Variants in OARD1 observed in about 807,000 individuals in gnomAD.
OARD1 encodes O-acyl-ADP-ribose deacylase 1.
A neutral mutation model predicts 19.7 loss-of-function variants in OARD1; 19 were observed. The ratio of observed to expected loss-of-function variants is 0.96; its 90% CI spans 0.67 to 1.41. The LOEUF (loss-of-function observed/expected upper bound fraction) is 1.41. Among genes scored for constraint, OARD1 ranks in the 40% most tolerant of loss-of-function variants. The probability of loss-of-function intolerance (pLI) is 0.00; values close to 1 mark genes in which losing one functional copy is unlikely to be tolerated. For synonymous variants in OARD1, 70 were observed against 61.8 expected, an observed-to-expected ratio of 1.13 and a Z score of -0.62; for missense variants, 190 against 183.8, an observed-to-expected ratio of 1.03 and a Z score of -0.20.
intron 1 of OARD1, chr6:41,083,939 C>G: frequency 9.0e-7 from 1 of 1,106,970 alleles, no homozygotes; most frequent in South Asian, 1.9e-5. Context: ...TCTTTTCTAC[C>G]TTTTCCTTTT....
chr6:41,071,640 T>C lies in OARD1; in HGVS notation c.-6A>G, dbSNP rs756184305. The C allele has an allele frequency of 6.2e-7, 1 of 1,612,460 alleles. No individual in the cohort carries two copies. The highest frequency in any genetic ancestry group is 8.5e-7 in the Non-Finnish European group (1 of 1,178,442). On this transcript the variant is annotated 5_prime_UTR_variant, in exon 2 of 6. Transcript: ENST00000424266. ...TCATTAAGGCTGCTGGCCATGATAC[T>C]GAGTCGCTATTTCCAGAATTTAAGT... is the stretch of plus-strand genomic sequence containing the variant.
In OARD1 at chr6:41,065,724, T is replaced by C. The variant is rs1762980895; in HGVS notation, c.*1611A>G. On this transcript the variant is annotated 3_prime_UTR_variant, in exon 6 of 6. Coordinates refer to ENST00000424266, the MANE Select transcript of OARD1 (RefSeq NM_001329686.2). ...TGCCTCTTATCAGGCTGATATGTGA[T>C]AAGAACACAGTCTAAAGTACAAAGA... 1 of 152,226 alleles carries C rather than the reference T, an allele frequency of 6.6e-6. No individual in the cohort carries two copies. The highest frequency in any genetic ancestry group is 2.4e-5 in the African/African-American group (1 of 41,464). 9.4% of individuals were successfully genotyped at this position (152,226 alleles called of 1,614,324 possible). A position where few individuals can be genotyped will look rare whatever the true frequency, so the allele number is the denominator to read the frequency against.
At position 41,071,637 on chromosome 6, in the gene OARD1, T is replaced by A; in HGVS notation, c.-3A>T. 1 of 1,612,936 alleles carries A rather than the reference T, an allele frequency of 6.2e-7. No individual in the cohort carries two copies. The highest frequency in any genetic ancestry group is 1.3e-5 in the African/African-American group (1 of 75,056). On this transcript the variant is annotated 5_prime_UTR_variant, in exon 2 of 6. Coordinates refer to ENST00000424266, the MANE Select transcript of OARD1 (RefSeq NM_001329686.2). Reference sequence around the variant, plus strand: ...TCTTCATTAAGGCTGCTGGCCATGATACTGAGTCGCTATTTCCAGAATTTA... The same window carrying A: ...TCTTCATTAAGGCTGCTGGCCATGAAACTGAGTCGCTATTTCCAGAATTTA...
Position 41,071,258 on chromosome 6 carries a change from C to A in OARD1, c.58G>T (p.Asp20Tyr). ...TCTGTTTTCGGGCATGCAAAAAGGT[C>A]TCCTTTCACATAAGTGATCTAAAAA... ...EGSRITYVKGDLFACPKTDSL... is the reference protein window; with the variant it reads ...EGSRITYVKGYLFACPKTDSL... The change falls in exon 3 of 6, where the codon GAC (aspartate) becomes TAC (tyrosine). Residue 20 changes from aspartate to tyrosine, a missense_variant. By Grantham distance (160) the Asp-to-Tyr change is radical. Transcript: ENST00000424266. 3 of 1,614,038 alleles carry A rather than the reference C, an allele frequency of 1.9e-6. No homozygotes were observed. The highest frequency in any genetic ancestry group is 2.5e-6 in the Non-Finnish European group (3 of 1,179,888).
chr6:41,093,126 C>A (rs750631193), intron 1 of OARD1: 190 of 1,547,210 alleles, frequency 1.2e-4, no homozygotes, highest in Non-Finnish European at 1.5e-4. Context: ...AGGAGAATAG[C>A]AGGGTTCTAC....
At chr6:41,073,873 C>T (rs368195051), upstream of OARD1, among the ~76,000 whole-genome samples, 1 of 151,886 alleles carries the variant, frequency 6.6e-6, no homozygotes, top group African/African-American at 2.4e-5. Context: ...TTCCCCGCCC[C>T]GTTCGCAGTG....
chr6:41,073,275 G>A (rs1047030130), upstream of OARD1, among the ~76,000 whole-genome samples: 2 of 151,626 alleles, frequency 1.3e-5, no homozygotes, highest in African/African-American at 4.8e-5. Flanking sequence ...CCCGGCCGAG[G>A]CCTGCAGGGG....
chr6:41,091,503 T>G, intron 1 of OARD1: 1 of 1,609,224 alleles, frequency 6.2e-7, no homozygotes, highest in African/African-American at 1.3e-5. Context: ...GTTTTTTGTT[T>G]GTTTTATGTT....
At chr6:41,084,166 G>A in intron 1 of OARD1, 1 of 1,614,054 alleles carries the variant, frequency 6.2e-7, no homozygotes. Context: ...GCAAGTACCT[G>A]TTTCTGGAAC....
intron 1 of OARD1, chr6:41,097,471 C>A: frequency 8.4e-6 from 13 of 1,539,596 alleles, no homozygotes; most frequent in South Asian, 6.7e-5. Flanking sequence ...GGAAATTGAT[C>A]AACTCTTCCA....
At chr6:41,079,367 T>A (rs555035647) in intron 1 of OARD1, among the ~76,000 whole-genome samples, 16 of 152,312 alleles carry the variant, frequency 1.1e-4, no homozygotes, top group African/African-American at 3.6e-4. Context: ...TTATAGTAAA[T>A]TGCCTCTTTT....
At chr6:41,093,145 T>C in intron 1 of OARD1, 1 of 1,463,482 alleles carries the variant, frequency 6.8e-7, no homozygotes, top group Non-Finnish European at 9.3e-7. Context: ...ACTTTTGAAA[T>C]TATCTTTTAT....
intron 1 of OARD1, among the ~76,000 whole-genome samples, chr6:41,079,941 CT>C (rs1416245633): frequency 2.0e-5 from 3 of 152,196 alleles, no homozygotes; most frequent in African/African-American, 7.2e-5. Flanking sequence ...ACGAACTCCC[CT>C]GATAGCTTTC....
chr6:41,073,517 C>A (rs1354416524), upstream of OARD1, among the ~76,000 whole-genome samples: 1 of 152,070 alleles, frequency 6.6e-6, no homozygotes, highest in Non-Finnish European at 1.5e-5. Context: ...CCCTTGCACT[C>A]TCCACTCTCC....
At chr6:41,094,369 G>A (rs1218316837) in intron 1 of OARD1, 1 of 1,598,792 alleles carries the variant, frequency 6.3e-7, no homozygotes, top group South Asian at 1.1e-5. Context: ...AGTATTAATA[G>A]TTAAATGGTT....
intron 1 of OARD1, among the ~76,000 whole-genome samples, chr6:41,086,851 T>TA (rs1183658406): frequency 6.6e-6 from 1 of 152,172 alleles, no homozygotes; most frequent in Non-Finnish European, 1.5e-5. Context: ...TACTGTATTT[T>TA]AAAAAATATT....
At chr6:41,088,423 C>CAAAAAA (rs34590854) in intron 1 of OARD1, among the ~76,000 whole-genome samples, 11 of 64,716 alleles carry the variant, frequency 1.7e-4, no homozygotes, top group Admixed American at 3.7e-4. Flanking sequence ...ACTCCGTCTC[C>CAAAAAA]AAAAAAAAAA....
intron 5 of OARD1, 151 bp from the exon 6 acceptor site, chr6:41,067,588 CTTG>C: frequency 1.7e-6 from 1 of 577,908 alleles, no homozygotes; most frequent in African/African-American, 1.9e-5. Flanking sequence ...GAAGTCAATT[CTTG>C]TTGTGAGTCA....
At chr6:41,092,343 G>A (rs937671208) in intron 1 of OARD1, among the ~76,000 whole-genome samples, 5 of 152,260 alleles carry the variant, frequency 3.3e-5, no homozygotes, top group African/African-American at 1.2e-4. Flanking sequence ...CCTGGGCAAT[G>A]TAGAGAGACC....
Sources: allele counts gnomAD v4.1 joint callset (sites outside exome capture counted in the v4.1 genomes callset), GRCh38; gene constraint gnomAD v4.1.1; transcripts MANE v1.5; gene names NCBI Gene and HGNC (gene_info 2026-07-23, HGNC 2026-07-21).